ZRANB3: variants seen among roughly 807,000 people sequenced by gnomAD.
ZRANB3 encodes zinc finger RANBP2-type containing 3.
A neutral mutation model predicts 133.8 loss-of-function variants in ZRANB3; 125 were observed. That is an observed-to-expected ratio of 0.93 (90% CI 0.81 to 1.08). ZRANB3 has a LOEUF of 1.08. Ranked by LOEUF, ZRANB3 falls within the 50% of genes least tolerant of loss-of-function variation. ZRANB3 has a pLI of 0.00. For synonymous variants in ZRANB3, 387 were observed against 432.7 expected, an observed-to-expected ratio of 0.89 and a Z score of 1.31; for missense variants, 1,229 against 1,275.5, an observed-to-expected ratio of 0.96 and a Z score of 0.56.
At chr2:135,427,486 C>T (rs953751808) in intron 2 of ZRANB3, among the ~76,000 whole-genome samples, 1 of 152,042 alleles carries the variant, frequency 6.6e-6, no homozygotes, top group Non-Finnish European at 1.5e-5. Context: ...AATAAAATAC[C>T]TAGGAATACA....
At position 135,327,185 on chromosome 2, in the gene ZRANB3, A is replaced by G. The variant is rs930137097; in HGVS notation, c.678-11655T>C. Among the ~76,000 whole-genome samples, 4 of 152,320 alleles carry G rather than the reference A, an allele frequency of 2.6e-5. No individual in the cohort carries two copies. In the Middle Eastern group the frequency reaches 0.01, roughly 389 times the overall value. On this transcript the variant is annotated intron_variant, in intron 6 of 20. Coordinates refer to ENST00000264159, the MANE Select transcript of ZRANB3 (RefSeq NM_032143.4). The stretch of plus-strand genomic sequence containing the variant: ...ATATCAGGGAATAAACTAAGAAATA[A>G]AAGTCATGAAATCCAGGAATGTGAG...
intron 2 of ZRANB3, among the ~76,000 whole-genome samples, chr2:135,416,382 T>C (rs1368419780): frequency 2.7e-4 from 41 of 151,946 alleles, no homozygotes; most frequent in South Asian, 6.2e-4. Context: ...AATAAAATAC[T>C]TAGGAATCCA....
chr2:135,479,472 C>T (rs1022921146), intron 2 of ZRANB3, among the ~76,000 whole-genome samples: 1 of 151,806 alleles, frequency 6.6e-6, no homozygotes, highest in Non-Finnish European at 1.5e-5. Context: ...CCCATCTCTA[C>T]AAAAATACAA....
At position 135,273,521 on chromosome 2, in the gene ZRANB3, A is replaced by G. The variant is rs545178736; in HGVS notation, c.1087-1634T>C. On this transcript the variant is annotated intron_variant, in intron 9 of 20. Transcript: ENST00000264159. ...AAAAGTTGGGGAAAAATTCACCTCC[A>G]ACCCCATGAATATCTACATTTTTTT... 1.1e-3 allele frequency among the ~76,000 whole-genome samples: 171 copies of G among 152,184 alleles called. 1 individual carries two copies. The highest frequency in any genetic ancestry group is 3.9e-3 in the African/African-American group (163 of 41,544).
intron 15 of ZRANB3, among the ~76,000 whole-genome samples, chr2:135,223,971 T>C (rs1264099464): frequency 6.6e-6 from 1 of 152,236 alleles, no homozygotes; most frequent in East Asian, 1.9e-4. Context: ...AGGACTCAGC[T>C]TGTTTTATCT....
chr2:135,407,899 A>G (rs1338508624), intron 2 of ZRANB3, among the ~76,000 whole-genome samples: 6 of 145,044 alleles, frequency 4.1e-5, no homozygotes, highest in Non-Finnish European at 7.4e-5. Context: ...AATACCATTC[A>G]GGACATAGGC....
chr2:135,496,776 T>C (rs1006603883), intron 2 of ZRANB3, among the ~76,000 whole-genome samples: 14 of 152,188 alleles, frequency 9.2e-5, no homozygotes, highest in African/African-American at 3.4e-4. Flanking sequence ...ATCCCTAAAC[T>C]ATACACAGAA....
chr2:135,401,840 T>G (rs1022778442), intron 2 of ZRANB3, among the ~76,000 whole-genome samples: 3 of 152,102 alleles, frequency 2.0e-5, no homozygotes, highest in African/African-American at 7.2e-5. Flanking sequence ...ACTCAATTCC[T>G]CATCATTAAA....
intron 12 of ZRANB3, among the ~76,000 whole-genome samples, chr2:135,234,218 G>C (rs1447501108): frequency 2.0e-5 from 3 of 152,176 alleles, no homozygotes; most frequent in African/African-American, 7.2e-5. Context: ...TAATGGTAAA[G>C]GGATCAATTC....
intron 12 of ZRANB3, among the ~76,000 whole-genome samples, chr2:135,256,500 G>A (rs1280414087): frequency 2.6e-5 from 4 of 151,968 alleles, no homozygotes; most frequent in Non-Finnish European, 5.9e-5. Flanking sequence ...AGCTAATTTT[G>A]TATTTTTAGT....
At chr2:135,240,595 T>C (rs1031472071) in intron 12 of ZRANB3, among the ~76,000 whole-genome samples, 1 of 152,192 alleles carries the variant, frequency 6.6e-6, no homozygotes, top group Non-Finnish European at 1.5e-5. Flanking sequence ...TCCTTCCTTT[T>C]TGAGACAGGG....
chr2:135,407,563 C>T (rs1311844484), intron 2 of ZRANB3, among the ~76,000 whole-genome samples: 3 of 149,166 alleles, frequency 2.0e-5, no homozygotes, highest in African/African-American at 7.7e-5. Flanking sequence ...CACTACCTGA[C>T]TTCAAACTAT....
chr2:135,522,339 C>A (rs1227949588), intron 1 of ZRANB3, among the ~76,000 whole-genome samples: 1 of 152,162 alleles, frequency 6.6e-6, no homozygotes, highest in African/African-American at 2.4e-5. Context: ...CAGCTTGAGG[C>A]TACGAGCAAG....
At chr2:135,504,802 A>T (rs1693101063) in intron 1 of ZRANB3, among the ~76,000 whole-genome samples, 1 of 152,114 alleles carries the variant, frequency 6.6e-6, no homozygotes, top group African/African-American at 2.4e-5. Context: ...AATAAACTAG[A>T]TTTTTCACAA....
intron 2 of ZRANB3, among the ~76,000 whole-genome samples, chr2:135,413,806 AT>A (rs1688426329): frequency 6.6e-6 from 1 of 152,172 alleles, no homozygotes; most frequent in Non-Finnish European, 1.5e-5. Context: ...AATATTCAAC[AT>A]TCTTAAAGAA....
chr2:135,504,769 A>C (rs1693099691), intron 1 of ZRANB3, among the ~76,000 whole-genome samples: 1 of 152,128 alleles, frequency 6.6e-6, no homozygotes, highest in South Asian at 2.1e-4. Flanking sequence ...TTAACACCAC[A>C]AATTTATTAC....
chr2:135,299,110 T>C lies in ZRANB3; in HGVS notation c.966+14379A>G, dbSNP rs113794370. ...TTTTGTCTTCTCTTACCAGGGAGGG[T>C]AGAGAAGACCATCAGGTCGCAGGGT... On this transcript the variant is annotated intron_variant, in intron 8 of 20. Transcript: ENST00000264159. Among the ~76,000 whole-genome samples the C allele has an allele frequency of 1.0e-3, 159 of 152,118 alleles. 2 individuals are homozygous for C. The highest frequency in any genetic ancestry group is 3.7e-3 in the African/African-American group (154 of 41,484).
At chr2:135,502,195 AT>A (rs374699431) in intron 2 of ZRANB3, among the ~76,000 whole-genome samples, 9 of 152,196 alleles carry the variant, frequency 5.9e-5, no homozygotes, top group Admixed American at 5.2e-4. Context: ...AAAAAACATA[AT>A]AAAAAATTTC....
At chr2:135,520,149 C>T (rs1189138486) in intron 1 of ZRANB3, among the ~76,000 whole-genome samples, 2 of 150,766 alleles carry the variant, frequency 1.3e-5, no homozygotes, top group African/African-American at 2.4e-5. Flanking sequence ...TTTGGGAGGC[C>T]GAGGCGGGTG....
Sources: allele counts gnomAD v4.1 joint callset (sites outside exome capture counted in the v4.1 genomes callset), GRCh38; gene constraint gnomAD v4.1.1; transcripts MANE v1.5; gene names NCBI Gene and HGNC (gene_info 2026-07-23, HGNC 2026-07-21).